Variants in SLC25A30 observed in about 807,000 individuals in gnomAD.
The protein encoded by SLC25A30 is solute carrier family 25 member 30.
SLC25A30 carries 29 observed loss-of-function variants against 42.7 expected under a neutral mutation model. The observed-to-expected ratio is 0.68, with a 90% CI of 0.51 to 0.93. The LOEUF (loss-of-function observed/expected upper bound fraction) is 0.93, where lower values mean the gene tolerates loss of function less well. SLC25A30 is among the 40% of genes least tolerant of loss of function. The probability of loss-of-function intolerance (pLI) is 0.00; values close to 1 mark genes in which losing one functional copy is unlikely to be tolerated. For synonymous variants in SLC25A30, 124 were observed against 131.0 expected (o/e 0.95, Z 0.37); for missense variants, 300 against 359.7 (o/e 0.83, Z 1.34).
the SLC25A30 span, among the ~76,000 whole-genome samples, chr13:45,428,471 T>C: frequency 6.6e-6 from 1 of 151,054 alleles, no homozygotes; most frequent in Admixed American, 6.6e-5. Context: ...CCTCCCAAAG[T>C]GCTGGGATTA....
At chr13:45,423,439 T>G (rs1397273817), upstream of SLC25A30, among the ~76,000 whole-genome samples, 2 of 146,452 alleles carry the variant, frequency 1.4e-5, no homozygotes, top group African/African-American at 5.1e-5. Flanking sequence ...GCCCAAGGGT[T>G]AGCAAATTAT....
chr13:45,429,406 G>A, the SLC25A30 span, among the ~76,000 whole-genome samples: 4 of 152,024 alleles, frequency 2.6e-5, no homozygotes, highest in Non-Finnish European at 4.4e-5. Context: ...TTTCATGTAT[G>A]TGTCCCCTAG....
rs1010372331 is a variant in SLC25A30, at chr13:45,394,910, C to A, written c.*1064G>T. On this transcript the variant is annotated 3_prime_UTR_variant, in exon 10 of 10. Coordinates refer to ENST00000519676, the MANE Select transcript of SLC25A30 (RefSeq NM_001010875.4). Reference sequence around the variant, plus strand: ...AAAACTGGAAACCTGGAAAAATCAACTCTTTGATTCACTACCAACATTTTG... The same window carrying A: ...AAAACTGGAAACCTGGAAAAATCAAATCTTTGATTCACTACCAACATTTTG... 2.4e-5 allele frequency: 24 copies of A among 985,254 alleles called. No homozygotes were observed. The highest frequency in any genetic ancestry group is 2.9e-5 in the Non-Finnish European group (24 of 829,894). 61.0% of individuals were successfully genotyped at this position (985,254 alleles called of 1,614,324 possible). A position where few individuals can be genotyped will look rare whatever the true frequency, so the allele number is the denominator to read the frequency against.
intron 4 of SLC25A30, among the ~76,000 whole-genome samples, chr13:45,404,894 T>G (rs528158787): frequency 1.3e-5 from 2 of 152,326 alleles, no homozygotes; most frequent in South Asian, 4.1e-4. Context: ...GAATTTTGCT[T>G]TGCAAAATTT....
chr13:45,402,470 A>G, intron 5 of SLC25A30, 100 bp from the exon 6 acceptor site: 1 of 963,638 alleles, frequency 1.0e-6, no homozygotes, highest in Non-Finnish European at 1.6e-6. Context: ...TCAGTTGCTT[A>G]ATAACCATTA....
chr13:45,393,928 A>G lies in SLC25A30; in HGVS notation c.*2046T>C. On this transcript the variant is annotated 3_prime_UTR_variant, in exon 10 of 10. Coordinates refer to ENST00000519676, the MANE Select transcript of SLC25A30 (RefSeq NM_001010875.4). ...CATTCGCTCTTTACATGGTCATTAA[A>G]ATGAATTTGCTTCTACTGTTTTAAA... 1.0e-6 allele frequency: 1 copy of G among 985,416 alleles called. No individual in the cohort carries two copies. The highest frequency in any genetic ancestry group is 1.2e-6 in the Non-Finnish European group (1 of 829,910). The allele number at this position is 985,416 out of a possible 1,614,324, so 61.0% of individuals were successfully genotyped here.
the SLC25A30 span, among the ~76,000 whole-genome samples, chr13:45,425,462 A>T: frequency 9.8e-6 from 1 of 101,724 alleles, no homozygotes; most frequent in African/African-American, 3.6e-5. Flanking sequence ...AAGTGTATAT[A>T]TAAATATATA....
At chr13:45,420,903 T>A (rs2137716263), upstream of SLC25A30, among the ~76,000 whole-genome samples, 1 of 152,084 alleles carries the variant, frequency 6.6e-6, no homozygotes, top group Non-Finnish European at 1.5e-5. Flanking sequence ...TTTTTAAAAA[T>A]TTTGAGTCCC....
At chr13:45,425,866 T>C in the SLC25A30 span, among the ~76,000 whole-genome samples, 1 of 146,296 alleles carries the variant, frequency 6.8e-6, no homozygotes, top group South Asian at 2.1e-4. Context: ...GTAATTTTTG[T>C]ATTTTTAGTG....
chr13:45,424,306 AAAAT>A, the SLC25A30 span, among the ~76,000 whole-genome samples: 3 of 7,182 alleles, frequency 4.2e-4, no homozygotes, highest in East Asian at 1.9e-3. Context: ...TAAATATATA[AAAAT>A]ATATATAAAT....
In SLC25A30 at chr13:45,395,936, AC is replaced by A. The variant is rs779243212; in HGVS notation, c.*37del. The stretch of plus-strand genomic sequence containing the variant: ...AGGAAGCTTTGCTGTTTCAGAAGTT[AC>A]CATTTTCAGAAAGATGTCTCATGCA... On this transcript the variant is annotated 3_prime_UTR_variant, in exon 10 of 10. Transcript: ENST00000519676. The A allele has an allele frequency of 3.1e-6, 5 of 1,614,052 alleles. No individual in the cohort carries two copies. Among genetic ancestry groups the A allele is most frequent in the African/African-American group, 2.7e-5 (2 of 74,932 alleles).
chr13:45,409,894 C>T (rs1354926793), intron 2 of SLC25A30, among the ~76,000 whole-genome samples: 1 of 152,150 alleles, frequency 6.6e-6, no homozygotes, highest in East Asian at 1.9e-4. Flanking sequence ...TATATAAAAC[C>T]CATCCTCAGA....
intron 3 of SLC25A30, among the ~76,000 whole-genome samples, chr13:45,406,241 C>G (rs1354724025): frequency 6.6e-6 from 1 of 152,128 alleles, no homozygotes; most frequent in Non-Finnish European, 1.5e-5. Flanking sequence ...CGCCACCACA[C>G]CTGGCTAATT....
In SLC25A30 at chr13:45,402,935, A is replaced by G. The variant is rs1014930007; in HGVS notation, c.394-565T>C. On this transcript the variant is annotated intron_variant, in intron 5 of 9. Transcript: ENST00000519676. ...GAATCCACATGACCAAGATTCCAAC[A>G]TAAAAAGAATGTTTGATGTAGCTCT... is the stretch of plus-strand genomic sequence containing the variant. 70 of 385,420 alleles carry G rather than the reference A, an allele frequency of 1.8e-4. 1 individual carries two copies. The highest frequency in any genetic ancestry group is 1.4e-3 in the African/African-American group (62 of 45,892). 23.9% of individuals were successfully genotyped at this position (385,420 alleles called of 1,614,324 possible).
the SLC25A30 span, among the ~76,000 whole-genome samples, chr13:45,424,159 A>AAACATATAAAT: frequency 1.0e-5 from 1 of 100,086 alleles, no homozygotes; most frequent in Non-Finnish European, 1.7e-5. Context: ...GTATATATAT[A>AAACATATAAAT]GAAATATATC....
chr13:45,424,137 A>G, the SLC25A30 span, among the ~76,000 whole-genome samples: 1 of 80,812 alleles, frequency 1.2e-5, no homozygotes, highest in Non-Finnish European at 2.2e-5. Flanking sequence ...ATATATAAAT[A>G]TATAAATATA....
Position 45,396,013 on chromosome 13 carries a change from G to A in SLC25A30, c.837C>T (p.Phe279=), listed in dbSNP as rs1881283008. 1.2e-6 allele frequency: 2 copies of A among 1,614,046 alleles called. No homozygotes were observed. Among genetic ancestry groups the A allele is most frequent in the African/African-American group, 2.7e-5 (2 of 74,920 alleles). The change falls in exon 10 of 10, where the codon TTC becomes TTT. Residue 279 remains phenylalanine, a splice_region_variant and synonymous_variant. Transcript: ENST00000519676. ...WLRLGPWNII[F]FVTYEQLKKL... is the part of the protein sequence containing the mutation. ...TCTTCAACTGCTCGTATGTCACAAAGAACTGTGGTTATGGGTTAAGGATGA... is the reference window on the plus strand; with the variant it reads ...TCTTCAACTGCTCGTATGTCACAAAAAACTGTGGTTATGGGTTAAGGATGA...
the SLC25A30 span, among the ~76,000 whole-genome samples, chr13:45,425,598 A>AG: frequency 2.2e-4 from 13 of 60,266 alleles, 1 homozygote; most frequent in African/African-American, 7.0e-4. Flanking sequence ...ATATATATAC[A>AG]TATATATATA....
At chr13:45,419,793 G>A (rs1362849060), upstream of SLC25A30, among the ~76,000 whole-genome samples, 1 of 151,528 alleles carries the variant, frequency 6.6e-6, no homozygotes, top group Non-Finnish European at 1.5e-5. Flanking sequence ...AGCCGGACGT[G>A]GTGATGGACA....
Sources: gnomAD v4.1 joint callset for allele counts (sites outside exome capture counted in the v4.1 genomes callset) on GRCh38, gnomAD v4.1.1 for gene constraint, MANE v1.5 for transcripts, NCBI Gene and HGNC (gene_info 2026-07-23, HGNC 2026-07-21) for gene names.